ARAP1: variants seen among roughly 807,000 people sequenced by gnomAD.
ARAP1 encodes the protein arf-GAP with Rho-GAP domain, ANK repeat and PH domain-containing protein 1.
A neutral mutation model predicts 172.2 loss-of-function variants in ARAP1; 76 were observed. That is an observed-to-expected ratio of 0.44 (90% confidence interval 0.37 to 0.53). The LOEUF is 0.53. Among genes scored for constraint, ARAP1 ranks in the 20% least tolerant of loss-of-function variants. ARAP1 has a pLI of 0.00. For missense variants in ARAP1, 1,686 were observed against 1,977.5 expected, an observed-to-expected ratio of 0.85 and a Z score of 2.80; for synonymous variants, 804 against 803.3, an observed-to-expected ratio of 1.00 and a Z score of -0.01.
At position 72,710,685 on chromosome 11, in the gene ARAP1, C is replaced by T; in HGVS notation, c.1214-98G>A. On this transcript the variant is annotated intron_variant, in intron 9 of 34. Coordinates refer to ENST00000393609, the MANE Select transcript of ARAP1 (RefSeq NM_001040118.3). The surrounding 1 kb of genome is among the most constrained non-coding windows in gnomAD (Gnocchi z 4.3). ...CTCATGCAACACCTCCTCCAGAAAG[C>T]CCACTCAGATGCCCCCATCATTTTG... 1 of 1,285,488 alleles carries T rather than the reference C, an allele frequency of 7.8e-7. No homozygotes were observed. Among genetic ancestry groups the T allele is most frequent in the Non-Finnish European group, 1.0e-6 (1 of 953,722 alleles). The allele number at this position is 1,285,488 out of a possible 1,614,324, so 79.6% of individuals were successfully genotyped here.
chr11:72,734,575 A>G (rs1175524887), intron 1 of ARAP1, among the ~76,000 whole-genome samples: 1 of 152,254 alleles, frequency 6.6e-6, no homozygotes, highest in Non-Finnish European at 1.5e-5. Context: ...CAAGTACTTT[A>G]TATTAACTCA....
At chr11:72,736,020 G>A (rs1436676063) in intron 1 of ARAP1, among the ~76,000 whole-genome samples, 1 of 152,186 alleles carries the variant, frequency 6.6e-6, no homozygotes, top group Admixed American at 6.5e-5. Context: ...ATTGAAAAAA[G>A]AAGTTCAGAG....
chr11:72,702,791 A>G, intron 15 of ARAP1, 114 bp downstream of exon 15: 1 of 1,341,798 alleles, frequency 7.5e-7, no homozygotes, highest in Non-Finnish European at 1.0e-6. Flanking sequence ...CAGCTCACAC[A>G]TGATTTATCA....
At chr11:72,745,182 CTTTTTTTTTTTT>C (rs902550014) in intron 1 of ARAP1, among the ~76,000 whole-genome samples, 88 of 88,308 alleles carry the variant, frequency 1.0e-3, no homozygotes, top group African/African-American at 4.1e-3. Context: ...AAGTTTCTTT[CTTTTTTTTTTTT>C]TTTTTTTTTT....
chr11:72,729,213 A>G (rs1044788992), intron 2 of ARAP1, among the ~76,000 whole-genome samples: 4 of 152,186 alleles, frequency 2.6e-5, no homozygotes, highest in African/African-American at 9.7e-5. Flanking sequence ...ACAGCTGTGG[A>G]GTGCTCTCAA....
rs758544770 is a variant in ARAP1, at chr11:72,703,110, G to A, written c.1993-31C>T. 3.7e-5 allele frequency: 56 copies of A among 1,510,772 alleles called. No homozygotes were observed. The South Asian group carries it at 7.1e-4, about 19-fold the overall frequency. The allele number at this position is 1,510,772 out of a possible 1,614,324, so 93.6% of individuals were successfully genotyped here. A position where few individuals can be genotyped will look rare whatever the true frequency, so the allele number is the denominator to read the frequency against. ...AAGAGGCAGGGGAGGGTCAGCCCAA[G>A]AAGGAGTAGGGGGCCCACAAGGAAA... On this transcript the variant is annotated intron_variant, in intron 14 of 34. Coordinates refer to ENST00000393609, the MANE Select transcript of ARAP1 (RefSeq NM_001040118.3).
intron 1 of ARAP1, among the ~76,000 whole-genome samples, chr11:72,746,172 A>G (rs1430406583): frequency 6.6e-6 from 1 of 151,140 alleles, no homozygotes; most frequent in Non-Finnish European, 1.5e-5. Context: ...ACCCCGCCCT[A>G]GTGTCCACGG....
In ARAP1 at chr11:72,726,502, G is replaced by A; in HGVS notation, c.509+118C>T. The A allele has an allele frequency of 6.1e-6, 8 of 1,314,774 alleles. No individual in the cohort carries two copies. The highest frequency in any genetic ancestry group is 8.1e-6 in the Non-Finnish European group (8 of 988,982). The allele number at this position is 1,314,774 out of a possible 1,614,324, so 81.4% of individuals were successfully genotyped here. On this transcript the variant is annotated intron_variant, in intron 3 of 34. Transcript: ENST00000393609. The surrounding 1 kb of genome is among the most constrained non-coding windows in gnomAD (Gnocchi z 6.5). ...CTGTCCTCCGAGCTTTGCACACGCT[G>A]TTCCCCCTGCACTTCCGAAGTGCCT...
chr11:72,745,182 CT>C (rs902550014), intron 1 of ARAP1, among the ~76,000 whole-genome samples: 3,453 of 88,308 alleles, frequency 0.039, 37 homozygotes, highest in African/African-American at 0.13. Context: ...AAGTTTCTTT[CT>C]TTTTTTTTTT....
At position 72,688,624 on chromosome 11, in the gene ARAP1, A is replaced by G. The variant is rs1039957641; in HGVS notation, c.3988-87T>C. 4 of 1,132,620 alleles carry G rather than the reference A, an allele frequency of 3.5e-6. No individual in the cohort carries two copies. In the East Asian group the frequency reaches 7.6e-5, roughly 21 times the overall value. 70.2% of individuals were successfully genotyped at this position (1,132,620 alleles called of 1,614,324 possible). On this transcript the variant is annotated intron_variant, in intron 30 of 34. Coordinates refer to ENST00000393609, the MANE Select transcript of ARAP1 (RefSeq NM_001040118.3). ...CCCGACTGGGCAGCTCCCTCTTCCA[A>G]CTCCCCAGCCCTCTTTGCATCCCAG... is the stretch of plus-strand genomic sequence containing the variant.
Position 72,699,179 on chromosome 11 carries a change from C to A in ARAP1, c.2439-72G>T, listed in dbSNP as rs1856356648. The A allele has an allele frequency of 1.3e-5, 20 of 1,523,020 alleles. No homozygotes were observed. Among genetic ancestry groups the A allele is most frequent in the Non-Finnish European group, 1.8e-5 (20 of 1,102,062 alleles). 94.3% of individuals were successfully genotyped at this position (1,523,020 alleles called of 1,614,324 possible). A position where few individuals can be genotyped will look rare whatever the true frequency, so the allele number is the denominator to read the frequency against. ...GCCCACCCCCAACCCGCACCATCAA[C>A]CGCCATCCTCTGCCCCCTCCGCACT... On this transcript the variant is annotated intron_variant, in intron 17 of 34. Transcript: ENST00000393609. This position sits in a 1 kb window ranked among gnomAD's most constrained non-coding sequence, Gnocchi z 4.2.
chr11:72,688,841 G>A (rs1381798549), intron 30 of ARAP1: 1 of 346,468 alleles, frequency 2.9e-6, no homozygotes, highest in East Asian at 6.2e-5. Flanking sequence ...CCACCCTGAT[G>A]CCCTGCAAAC....
chr11:72,704,261 T>C lies in ARAP1; in HGVS notation c.1883A>G (p.Gln628Arg), dbSNP rs995415378. The C allele has an allele frequency of 6.2e-6, 10 of 1,613,248 alleles. No individual in the cohort carries two copies. Among genetic ancestry groups the C allele is most frequent in the Non-Finnish European group, 8.5e-6 (10 of 1,179,732 alleles). Residue 628 changes from glutamine to arginine, a missense_variant, in exon 14 of 35, where the codon CAG (glutamine) becomes CGG (arginine). Around this residue, in one of 5 missense-constraint regions of ARAP1, gnomAD observed 688 missense variants for 856.9 expected, o/e 0.80. Coordinates refer to ENST00000393609, the MANE Select transcript of ARAP1 (RefSeq NM_001040118.3). ...AANVPPSEAL[Q>R]PSSSPSTRRC... ...CCGGGTGCTGGGGCTGCTGCTGGGC[T>C]GCAGGGCCTCACTGGGGGGCACGTT...
Position 72,686,115 on chromosome 11 carries a change from GAC to G in ARAP1, c.4260_4261del (p.Ser1421ThrfsTer7). 2 of 1,614,072 alleles carry G rather than the reference GAC, an allele frequency of 1.2e-6. No homozygotes were observed. Among genetic ancestry groups the G allele is most frequent in the Non-Finnish European group, 1.7e-6 (2 of 1,180,040 alleles). Reference sequence around the variant, plus strand: ...TTCACTACCTCGAAGGGGGATCAGTGACACACTACCCAGCCGGACCTCAGGCA... The same window carrying G: ...TTCACTACCTCGAAGGGGGATCAGTGACACTACCCAGCCGGACCTCAGGCA... On this transcript the variant is annotated frameshift_variant, in exon 34 of 35. Coordinates refer to ENST00000393609, the MANE Select transcript of ARAP1 (RefSeq NM_001040118.3). LOFTEE classifies it high-confidence loss of function.
chr11:72,706,595 A>C (rs1316813431), intron 12 of ARAP1, among the ~76,000 whole-genome samples: 1 of 152,134 alleles, frequency 6.6e-6, no homozygotes, highest in African/African-American at 2.4e-5. Flanking sequence ...GTTTTCCACC[A>C]TAGATCCTGA....
At chr11:72,701,206 G>A (rs1189712026) in intron 16 of ARAP1, among the ~76,000 whole-genome samples, 1 of 151,594 alleles carries the variant, frequency 6.6e-6, no homozygotes, top group African/African-American at 2.4e-5. Context: ...TGAGGAGACC[G>A]GCAGAGTGAT....
chr11:72,690,884 A>G (rs746402201), intron 30 of ARAP1, among the ~76,000 whole-genome samples: 8 of 152,206 alleles, frequency 5.3e-5, no homozygotes, highest in Admixed American at 4.6e-4. Flanking sequence ...ATCCTACTGA[A>G]TCACCTGAGA....
intron 1 of ARAP1, among the ~76,000 whole-genome samples, chr11:72,736,553 G>A (rs796334458): frequency 1.6e-4 from 25 of 152,276 alleles, no homozygotes; most frequent in African/African-American, 5.3e-4. Context: ...CAGGAAGGCA[G>A]GGACCTGGCA....
chr11:72,698,924 C>A lies in ARAP1; in HGVS notation c.2541+81G>T, dbSNP rs77642908. On this transcript the variant is annotated intron_variant, in intron 18 of 34. Coordinates refer to ENST00000393609, the MANE Select transcript of ARAP1 (RefSeq NM_001040118.3). ...AGCTTCTGCTCTCTAGACGGGGGAG[C>A]TGGGATACATGGGATTGGCCAGGAG... 5 of 1,415,448 alleles carry A rather than the reference C, an allele frequency of 3.5e-6. No individual in the cohort carries two copies. In the Admixed American group the frequency reaches 6.7e-5, roughly 19 times the overall value. 87.7% of individuals were successfully genotyped at this position (1,415,448 alleles called of 1,614,324 possible). A position where few individuals can be genotyped will look rare whatever the true frequency, so the allele number is the denominator to read the frequency against.
Sources: allele counts gnomAD v4.1 joint callset (sites outside exome capture counted in the v4.1 genomes callset), GRCh38; gene constraint gnomAD v4.1.1; regional missense constraint gnomAD v4.1.1; non-coding constraint Gnocchi (gnomAD v3.1); transcripts MANE v1.5; gene names NCBI Gene and HGNC (gene_info 2026-07-23, HGNC 2026-07-21).